The following DNAAF1 variants were observed in gnomAD, a reference collection of about 807,000 sequenced individuals.
DNAAF1 encodes the protein dynein axonemal assembly factor 1.
DNAAF1 carries 65 observed loss-of-function variants against 71.1 expected under a neutral mutation model. That is an observed-to-expected ratio of 0.91 (90% CI 0.75 to 1.12). The LOEUF is 1.12. Ranked by LOEUF, DNAAF1 falls within the 50% of genes most tolerant of loss-of-function variation. The probability of loss-of-function intolerance (pLI) is 0.00; values close to 1 mark genes in which losing one functional copy is unlikely to be tolerated. For synonymous variants in DNAAF1, 414 were observed against 354.6 expected (o/e 1.17, Z -1.88); for missense variants, 1,178 against 899.8 (o/e 1.31, Z -3.96).
intron 5 of DNAAF1, among the ~76,000 whole-genome samples, chr16:84,158,250 AT>A (rs1378905721): frequency 6.6e-6 from 1 of 152,030 alleles, no homozygotes; most frequent in Non-Finnish European, 1.5e-5. Context: ...TTTTCTCATG[AT>A]TCTGGAGACT....
chr16:84,166,383 T>C (rs1474886515), intron 7 of DNAAF1, among the ~76,000 whole-genome samples: 1 of 138,082 alleles, frequency 7.2e-6, no homozygotes, highest in Non-Finnish European at 1.6e-5. Context: ...TTTTTTTTTT[T>C]TTTTTTTGGT....
chr16:84,146,446 G>A (rs1195402622), intron 1 of DNAAF1, among the ~76,000 whole-genome samples: 1 of 152,162 alleles, frequency 6.6e-6, no homozygotes, highest in Non-Finnish European at 1.5e-5. Flanking sequence ...GCCAGGCACG[G>A]TGGCTCACGC....
intron 5 of DNAAF1, chr16:84,159,272 G>A (rs1444100167): frequency 1.8e-6 from 2 of 1,107,820 alleles, no homozygotes; most frequent in Non-Finnish European, 1.1e-6. Context: ...TAGCGGCTGT[G>A]TGCGTTTTGG....
At position 84,149,115 on chromosome 16, in the gene DNAAF1, G is replaced by A; in HGVS notation, c.233G>A (p.Arg78Lys). 6.2e-7 allele frequency: 1 copy of A among 1,614,136 alleles called. No individual in the cohort carries two copies. The highest frequency in any genetic ancestry group is 8.5e-7 in the Non-Finnish European group (1 of 1,180,036). The change falls in exon 2 of 12, where the codon AGA becomes AAA. Residue 78 changes from arginine (R) to lysine (K), a missense_variant. Coordinates refer to ENST00000378553, the MANE Select transcript of DNAAF1 (RefSeq NM_178452.6). ...TCAGGTGGTCACTTCGCACACCCAAGAGAAGACAGGGAAGATCGGGGCCCC... is the reference window on the plus strand; with the variant it reads ...TCAGGTGGTCACTTCGCACACCCAAAAGAAGACAGGGAAGATCGGGGCCCC... ...NGSGGHFAHP[R>K]EDREDRGPRM...
intron 9 of DNAAF1, chr16:84,172,832 T>G: frequency 1.4e-5 from 15 of 1,044,904 alleles, no homozygotes; most frequent in Non-Finnish European, 1.7e-5. Flanking sequence ...AGGCTCTCAC[T>G]GGCCTTCTGG....
chr16:84,162,022 T>C (rs1046343589), intron 6 of DNAAF1, among the ~76,000 whole-genome samples: 15 of 152,202 alleles, frequency 9.9e-5, no homozygotes, highest in African/African-American at 3.6e-4. Flanking sequence ...CTGTCTGCTC[T>C]GAGATCAAAG....
At chr16:84,173,891 A>G (rs2088514410) in intron 9 of DNAAF1, 1 of 152,722 alleles carries the variant, frequency 6.5e-6, no homozygotes, top group Non-Finnish European at 1.5e-5. Context: ...TAATTGGGCA[A>G]TTTATCTCTC....
intron 6 of DNAAF1, among the ~76,000 whole-genome samples, chr16:84,162,843 A>C (rs1021436714): frequency 6.6e-6 from 1 of 151,414 alleles, no homozygotes; most frequent in Non-Finnish European, 1.5e-5. Flanking sequence ...AAGAAATACC[A>C]TCCCCATTAG....
rs151256633 is a variant in DNAAF1 at position 84,173,355 on chromosome 16, T to C, written c.1644+980T>C. On this transcript the variant is annotated intron_variant, in intron 9 of 11. Transcript: ENST00000378553. Reference sequence around the variant, plus strand: ...GATGGGCACCTGTAGTCCCAGCTACTTGGGAGGCTGAGGCAGGAGAATGGC... The same window carrying C: ...GATGGGCACCTGTAGTCCCAGCTACCTGGGAGGCTGAGGCAGGAGAATGGC... The C allele has an allele frequency of 7.3e-3, 4,609 of 635,136 alleles. 215 individuals carry two copies. In the African/African-American group the frequency reaches 0.085, roughly 12 times the overall value. The allele number at this position is 635,136 out of a possible 1,614,324, so 39.3% of individuals were successfully genotyped here.
intron 6 of DNAAF1, among the ~76,000 whole-genome samples, chr16:84,161,480 C>T (rs1310892327): frequency 1.3e-5 from 2 of 152,140 alleles, no homozygotes; most frequent in Non-Finnish European, 2.9e-5. Context: ...TGGGTTCACA[C>T]AAGCCTCCCA....
intron 7 of DNAAF1, among the ~76,000 whole-genome samples, chr16:84,168,127 C>G (rs766520897): frequency 9.2e-5 from 14 of 152,164 alleles, no homozygotes; most frequent in South Asian, 4.1e-4. Context: ...GGTTGTGTAC[C>G]TTCTGGGGGC....
chr16:84,171,270 C>A (rs773624117), intron 8 of DNAAF1, among the ~76,000 whole-genome samples: 1 of 152,038 alleles, frequency 6.6e-6, no homozygotes, highest in Non-Finnish European at 1.5e-5. Flanking sequence ...AAGCCCCCTT[C>A]CCCGCAACCC....
At chr16:84,166,046 T>A in intron 7 of DNAAF1, 97 bp downstream of exon 7, 2 of 605,428 alleles carry the variant, frequency 3.3e-6, no homozygotes, top group Non-Finnish European at 4.8e-6. Flanking sequence ...AATTTTTTTT[T>A]TTTTTTTTTT....
chr16:84,154,445 T>A, intron 3 of DNAAF1, 132 bp from the exon 4 acceptor site: 1 of 806,186 alleles, frequency 1.2e-6, no homozygotes, highest in Admixed American at 2.0e-5. Context: ...ACATTAGGGG[T>A]TAGGATTTCA....
chr16:84,156,484 G>C (rs552012987), intron 5 of DNAAF1, among the ~76,000 whole-genome samples: 6 of 152,318 alleles, frequency 3.9e-5, no homozygotes, highest in African/African-American at 1.4e-4. Context: ...ACATCCGGGA[G>C]CGTGTGATGC....
intron 1 of DNAAF1, among the ~76,000 whole-genome samples, chr16:84,148,596 C>CTCTCTCTTTTTTT: frequency 4.6e-4 from 20 of 43,570 alleles, no homozygotes; most frequent in Admixed American, 6.5e-4. Flanking sequence ...CTCTCTCTCT[C>CTCTCTCTTTTTTT]TTTTTTTTTT....
Position 84,165,930 on chromosome 16 carries a change from G to GAGAGAGAGTCA in DNAAF1, c.1020_1030dup (p.Gly344ValfsTer7). 1 of 1,613,022 alleles carries GAGAGAGAGTCA rather than the reference G, an allele frequency of 6.2e-7. No homozygotes were observed. The highest frequency in any genetic ancestry group is 8.5e-7 in the Non-Finnish European group (1 of 1,179,810). ...AGCGGGCAGAGGAGAGGAAAAGACA[G>GAGAGAGAGTCA]AGAGAGAGTCAAGAGAGAGGTATGC... On this transcript the variant is annotated frameshift_variant, in exon 7 of 12. Transcript: ENST00000378553. LOFTEE classifies it high-confidence loss of function.
chr16:84,147,771 T>A (rs563936311), intron 1 of DNAAF1, among the ~76,000 whole-genome samples: 46 of 150,896 alleles, frequency 3.0e-4, no homozygotes, highest in South Asian at 1.7e-3. Context: ...AAAAAAAAAA[T>A]AAAAATAAAT....
chr16:84,167,999 A>G (rs2088115230), intron 7 of DNAAF1, among the ~76,000 whole-genome samples: 1 of 151,892 alleles, frequency 6.6e-6, no homozygotes, highest in Non-Finnish European at 1.5e-5. Context: ...CCTGGGCGAC[A>G]AGAGCGAAAC....
Sources: gnomAD v4.1 joint callset for allele counts (sites outside exome capture counted in the v4.1 genomes callset) on GRCh38, gnomAD v4.1.1 for gene constraint, MANE v1.5 for transcripts, NCBI Gene and HGNC (gene_info 2026-07-23, HGNC 2026-07-21) for gene names.